The following NXPH1 variants were observed in gnomAD, a reference collection of about 807,000 sequenced individuals.
The protein encoded by NXPH1 is neurexophilin 1, also known as neurexophilin-1.
Under a neutral mutation model 23.7 loss-of-function variants are expected in NXPH1, and 5 were observed. That is an observed-to-expected ratio of 0.21 (90% confidence interval 0.11 to 0.44). NXPH1 has a LOEUF of 0.44. NXPH1 is among the 20% of genes least tolerant of loss of function. NXPH1 has a pLI of 0.99. For missense variants in NXPH1, 324 were observed against 321.6 expected, an observed-to-expected ratio of 1.01 and a Z score of -0.06; for synonymous variants, 144 against 122.2, an observed-to-expected ratio of 1.18 and a Z score of -1.18.
At chr7:8,649,323 T>A (rs1425863158) in intron 2 of NXPH1, among the ~76,000 whole-genome samples, 1 of 15,126 alleles carries the variant, frequency 6.6e-5, no homozygotes, top group Non-Finnish European at 1.9e-4. Context: ...ATTTCTTTCC[T>A]TTTTTTGTAT....
intron 2 of NXPH1, among the ~76,000 whole-genome samples, chr7:8,617,092 G>T (rs1203443292): frequency 5.3e-5 from 8 of 152,086 alleles, no homozygotes; most frequent in Non-Finnish European, 1.0e-4. Context: ...ATTGTTGGGG[G>T]AAAGGGGATG....
chr7:8,555,204 T>C (rs1398936448), intron 2 of NXPH1, among the ~76,000 whole-genome samples: 1 of 151,726 alleles, frequency 6.6e-6, no homozygotes, highest in Non-Finnish European at 1.5e-5. Flanking sequence ...ACGCAACTGA[T>C]AGACTGAAGT....
intron 2 of NXPH1, among the ~76,000 whole-genome samples, chr7:8,541,759 G>A (rs1348204480): frequency 6.6e-6 from 1 of 151,546 alleles, no homozygotes; most frequent in Non-Finnish European, 1.5e-5. Flanking sequence ...TTAATATAAG[G>A]TTTTTATACT....
intron 2 of NXPH1, among the ~76,000 whole-genome samples, chr7:8,447,175 G>A (rs566839055): frequency 6.6e-6 from 1 of 152,324 alleles, no homozygotes; most frequent in African/African-American, 2.4e-5. Flanking sequence ...TTTGTTGTTG[G>A]AACAGCTGTG....
chr7:8,748,089 T>C (rs1221835598), intron 2 of NXPH1, among the ~76,000 whole-genome samples: 1 of 152,230 alleles, frequency 6.6e-6, no homozygotes, highest in Non-Finnish European at 1.5e-5. Context: ...TATATTCCTA[T>C]GCATAATCCT....
intron 2 of NXPH1, among the ~76,000 whole-genome samples, chr7:8,527,489 T>C (rs757605606): frequency 1.3e-5 from 2 of 152,176 alleles, no homozygotes; most frequent in Admixed American, 6.5e-5. Context: ...ATGACAGCAT[T>C]ATGGCTTTGG....
At chr7:8,661,646 A>T (rs186941523) in intron 2 of NXPH1, among the ~76,000 whole-genome samples, 1 of 152,278 alleles carries the variant, frequency 6.6e-6, no homozygotes, top group Non-Finnish European at 1.5e-5. Context: ...AGTGTAAAAC[A>T]AAGAAAAAAC....
chr7:8,660,402 G>A (rs4720787), intron 2 of NXPH1, among the ~76,000 whole-genome samples: 1 of 152,004 alleles, frequency 6.6e-6, no homozygotes, highest in African/African-American at 2.4e-5. Context: ...ACGGGTGAAA[G>A]TTTTGAAAAG....
intron 2 of NXPH1, among the ~76,000 whole-genome samples, chr7:8,589,197 G>C (rs1044691416): frequency 2.0e-5 from 3 of 152,052 alleles, no homozygotes; most frequent in African/African-American, 7.2e-5. Context: ...TTAAAAAATG[G>C]TGACTAATCT....
intron 2 of NXPH1, among the ~76,000 whole-genome samples, chr7:8,576,576 C>T (rs1818760043): frequency 1.3e-5 from 2 of 152,104 alleles, no homozygotes. Flanking sequence ...AGGAAGGCTG[C>T]AGCCTTCTTT....
chr7:8,529,270 T>C (rs1364821267), intron 2 of NXPH1, among the ~76,000 whole-genome samples: 1 of 152,250 alleles, frequency 6.6e-6, no homozygotes, highest in East Asian at 1.9e-4. Context: ...CTTAATTATA[T>C]ACACAAAGTC....
At chr7:8,483,969 T>TTC in intron 2 of NXPH1, among the ~76,000 whole-genome samples, 1 of 151,072 alleles carries the variant, frequency 6.6e-6, no homozygotes, top group South Asian at 2.1e-4. Flanking sequence ...CCCCACCTTT[T>TTC]TTTTTTTTTT....
intron 2 of NXPH1, among the ~76,000 whole-genome samples, chr7:8,671,157 T>C (rs1820863152): frequency 6.6e-6 from 1 of 152,228 alleles, no homozygotes; most frequent in African/African-American, 2.4e-5. Flanking sequence ...ATAAATTACA[T>C]ATGCTATTTT....
At chr7:8,665,844 A>G (rs1433545438) in intron 2 of NXPH1, among the ~76,000 whole-genome samples, 2 of 148,642 alleles carry the variant, frequency 1.3e-5, no homozygotes, top group African/African-American at 4.9e-5. Context: ...GCTACTGATA[A>G]TCGTATATTG....
chr7:8,656,798 G>GT (rs1562444866), intron 2 of NXPH1, among the ~76,000 whole-genome samples: 1 of 151,796 alleles, frequency 6.6e-6, no homozygotes, highest in East Asian at 1.9e-4. Context: ...GCGGTGTTTG[G>GT]TTTTTTGTTC....
In NXPH1 at chr7:8,454,028, G is replaced by A. The variant is rs185317091; in HGVS notation, c.54+18261G>A. Among the ~76,000 whole-genome samples, 98 of 152,174 alleles carry A rather than the reference G, an allele frequency of 6.4e-4. 1 individual carries two copies. Among genetic ancestry groups the A allele is most frequent in the African/African-American group, 2.0e-3 (85 of 41,522 alleles). ...ACTACATGTTTGCACTCATAAGTGCGAGCTAAATGATGAGAACACATGGAC... is the reference window on the plus strand; with the variant it reads ...ACTACATGTTTGCACTCATAAGTGCAAGCTAAATGATGAGAACACATGGAC... On this transcript the variant is annotated intron_variant, in intron 2 of 2. Transcript: ENST00000405863.
chr7:8,705,952 T>C (rs1303431933), intron 2 of NXPH1, among the ~76,000 whole-genome samples: 1 of 152,166 alleles, frequency 6.6e-6, no homozygotes, highest in Non-Finnish European at 1.5e-5. Flanking sequence ...AGGCATCTCA[T>C]AGAAGGAAAA....
Position 8,665,909 on chromosome 7 carries a change from TTTCTTTTTC to T in NXPH1, c.55-85096_55-85088del, listed in dbSNP as rs1326767818. Among the ~76,000 whole-genome samples the T allele has an allele frequency of 1.5e-3, 33 of 22,420 alleles. 5 individuals are homozygous for T. The highest frequency in any genetic ancestry group is 8.6e-3 in the East Asian group (2 of 232). The allele number at this position is 22,420 out of a possible 152,430, so 14.7% of individuals were successfully genotyped here. A position where few individuals can be genotyped will look rare whatever the true frequency, so the allele number is the denominator to read the frequency against. ...ATTTATTAGTTCTAAGAGGTTTTTT[TTTCTTTTTC>T]TTTTTTTTTTTTTTTTGAAGGAGTC... On this transcript the variant is annotated intron_variant, in intron 2 of 2. Coordinates refer to ENST00000405863, the MANE Select transcript of NXPH1 (RefSeq NM_152745.3).
chr7:8,550,577 A>G (rs924926399), intron 2 of NXPH1, among the ~76,000 whole-genome samples: 2 of 151,560 alleles, frequency 1.3e-5, no homozygotes, highest in Non-Finnish European at 3.0e-5. Context: ...ACTTTATATC[A>G]GAAATAATAA....
Sources: gnomAD v4.1 joint callset for allele counts (sites outside exome capture counted in the v4.1 genomes callset) on GRCh38, gnomAD v4.1.1 for gene constraint, MANE v1.5 for transcripts, NCBI Gene and HGNC (gene_info 2026-07-23, HGNC 2026-07-21) for gene names.